The following ANKRD11 variants were observed in gnomAD, a reference collection of about 807,000 sequenced individuals.
ANKRD11 encodes ankyrin repeat domain 11.
In ANKRD11, 17 loss-of-function variants were observed where a neutral mutation model predicts 195.7. That is an observed-to-expected ratio of 0.09 (90% CI 0.06 to 0.13). The LOEUF is 0.13. Among genes scored for constraint, ANKRD11 ranks in the 10% least tolerant of loss-of-function variants. The pLI is 1.00. For synonymous variants in ANKRD11, 1,953 were observed against 1,528.1 expected, an observed-to-expected ratio of 1.28 and a Z score of -6.49; for missense variants, 3,735 against 3,566.1, an observed-to-expected ratio of 1.05 and a Z score of -1.21.
chr16:89,286,839 C>A (rs553894478), intron 7 of ANKRD11: 1 of 1,287,418 alleles, frequency 7.8e-7, no homozygotes, highest in Admixed American at 2.3e-5. Context: ...CAGCAATGCA[C>A]TGAACTCAAG....
intron 2 of ANKRD11, among the ~76,000 whole-genome samples, chr16:89,363,220 G>GT (rs1243493342): frequency 6.6e-6 from 1 of 152,150 alleles, no homozygotes; most frequent in African/African-American, 2.4e-5. Flanking sequence ...TCAGAAATAG[G>GT]TAAGTTTTCA....
intron 2 of ANKRD11, among the ~76,000 whole-genome samples, chr16:89,359,575 G>A (rs2039638436): frequency 6.6e-6 from 1 of 152,206 alleles, no homozygotes; most frequent in Admixed American, 6.5e-5. Context: ...CCCACACTCT[G>A]AGCCTTGGCT....
intron 1 of ANKRD11, among the ~76,000 whole-genome samples, chr16:89,435,914 C>G (rs1481260940): frequency 6.6e-6 from 1 of 152,142 alleles, no homozygotes; most frequent in Admixed American, 6.6e-5. Context: ...GCTGGTGCCG[C>G]CCATCACCTC....
At chr16:89,411,778 ATAAT>A (rs1476464532) in intron 2 of ANKRD11, among the ~76,000 whole-genome samples, 1 of 152,204 alleles carries the variant, frequency 6.6e-6, no homozygotes, top group Non-Finnish European at 1.5e-5. Context: ...ACACAAATAA[ATAAT>A]TAAGATCCTT....
intron 3 of ANKRD11, among the ~76,000 whole-genome samples, chr16:89,306,867 C>CACTT (rs1401834314): frequency 7.0e-5 from 10 of 142,308 alleles, no homozygotes; most frequent in African/African-American, 2.4e-4. Flanking sequence ...AGACACGCGC[C>CACTT]ACCTCCCACT....
intron 1 of ANKRD11, among the ~76,000 whole-genome samples, chr16:89,434,339 T>G (rs1355641000): frequency 6.6e-6 from 1 of 152,228 alleles, no homozygotes; most frequent in African/African-American, 2.4e-5. Context: ...GTCATACAGT[T>G]GTCGAAATAA....
At chr16:89,424,666 G>A (rs976224627) in intron 1 of ANKRD11, among the ~76,000 whole-genome samples, 1 of 152,174 alleles carries the variant, frequency 6.6e-6, no homozygotes, top group African/African-American at 2.4e-5. Flanking sequence ...CCATTTATAT[G>A]ACACTCTTAT....
rs1269144987 is a variant in ANKRD11 at position 89,279,768 on chromosome 16, A to G, written c.6774T>C (p.Ala2258=). 6.6e-7 allele frequency: 1 copy of G among 1,526,430 alleles called. No homozygotes were observed. The highest frequency in any genetic ancestry group is 1.2e-5 in the South Asian group (1 of 83,752). The allele number at this position is 1,526,430 out of a possible 1,614,324, so 94.6% of individuals were successfully genotyped here. A position where few individuals can be genotyped will look rare whatever the true frequency, so the allele number is the denominator to read the frequency against. ...QRPLGSGDQG[A]EAEGPPAASL... ...ACGCGGCGGGGGGGCCTTCAGCCTCAGCCCCCTGGTCTCCGCTCCCCAGTG... is the reference window on the plus strand; with the variant it reads ...ACGCGGCGGGGGGGCCTTCAGCCTCGGCCCCCTGGTCTCCGCTCCCCAGTG... The change falls in exon 9 of 13, where the codon GCT becomes GCC. Residue 2258 remains alanine, a synonymous_variant. Coordinates refer to ENST00000301030, the MANE Select transcript of ANKRD11 (RefSeq NM_013275.6). This position sits in a 1 kb window ranked among gnomAD's most constrained non-coding sequence, Gnocchi z 5.6.
chr16:89,458,707 TAAAC>T (rs1371700490), intron 1 of ANKRD11, among the ~76,000 whole-genome samples: 1 of 152,186 alleles, frequency 6.6e-6, no homozygotes, highest in South Asian at 2.1e-4. Context: ...AGCATCTCCT[TAAAC>T]AAAATCCAAG....
intron 1 of ANKRD11, among the ~76,000 whole-genome samples, chr16:89,479,019 C>T (rs1251119110): frequency 6.6e-6 from 1 of 152,118 alleles, no homozygotes; most frequent in Admixed American, 6.6e-5. Flanking sequence ...GGCATGATCT[C>T]AGCTCACTGC....
At chr16:89,355,516 A>G (rs1057184616) in intron 2 of ANKRD11, among the ~76,000 whole-genome samples, 5 of 152,178 alleles carry the variant, frequency 3.3e-5, no homozygotes, top group Admixed American at 2.0e-4. Flanking sequence ...ACGTGGCCCC[A>G]TGTCCGGCAC....
chr16:89,414,641 G>A (rs183597848), intron 2 of ANKRD11, among the ~76,000 whole-genome samples: 18 of 152,302 alleles, frequency 1.2e-4, no homozygotes, highest in African/African-American at 3.1e-4. Flanking sequence ...ACTGAGGCTC[G>A]GAGAGTGGAA....
chr16:89,278,847 G>A, intron 9 of ANKRD11: 1 of 759,070 alleles, frequency 1.3e-6, no homozygotes. Context: ...ACCGAGGCCT[G>A]GCACGGACCA....
intron 11 of ANKRD11, among the ~76,000 whole-genome samples, chr16:89,273,373 A>G (rs2033350643): frequency 6.6e-6 from 1 of 152,176 alleles, no homozygotes; most frequent in African/African-American, 2.4e-5. Context: ...TCCAGCCCCC[A>G]AAGCACCATT....
At chr16:89,274,139 T>C (rs1400729403) in intron 11 of ANKRD11, among the ~76,000 whole-genome samples, 1 of 152,124 alleles carries the variant, frequency 6.6e-6, no homozygotes, top group African/African-American at 2.4e-5. Context: ...CATGGGCTGC[T>C]TGAAGGCAGA....
Position 89,389,047 on chromosome 16 carries a change from G to C in ANKRD11, c.-60+29237C>G, listed in dbSNP as rs150469790. Among the ~76,000 whole-genome samples, 7 of 152,284 alleles carry C rather than the reference G, an allele frequency of 4.6e-5. No homozygotes were observed. The East Asian group carries it at 1.3e-3, about 29-fold the overall frequency. On this transcript the variant is annotated intron_variant, in intron 2 of 12. Transcript: ENST00000301030. ...TCAGGCATGGAAGGTGGAACAATTT[G>C]AGCAAAAAATAAATAGGACAGCAAT...
intron 1 of ANKRD11, among the ~76,000 whole-genome samples, chr16:89,454,909 T>C (rs1276725827): frequency 9.3e-6 from 1 of 107,826 alleles, no homozygotes; most frequent in East Asian, 3.0e-4. Context: ...GCTGCTCCCC[T>C]GGGTGCTGTT....
chr16:89,326,373 C>G (rs2037719008), intron 2 of ANKRD11, among the ~76,000 whole-genome samples: 1 of 151,868 alleles, frequency 6.6e-6, no homozygotes, highest in Non-Finnish European at 1.5e-5. Flanking sequence ...GGGGACGCAG[C>G]CACCGCCCCC....
intron 2 of ANKRD11, among the ~76,000 whole-genome samples, chr16:89,378,120 C>T (rs1387769892): frequency 6.6e-6 from 1 of 152,036 alleles, no homozygotes; most frequent in Non-Finnish European, 1.5e-5. Context: ...GAGGCCGAGG[C>T]GGAAGGATCA....
Sources: gnomAD v4.1 joint callset for allele counts (sites outside exome capture counted in the v4.1 genomes callset) on GRCh38, gnomAD v4.1.1 for gene constraint, Gnocchi (gnomAD v3.1) non-coding constraint, MANE v1.5 for transcripts, NCBI Gene and HGNC (gene_info 2026-07-23, HGNC 2026-07-21) for gene names.